The following KLK4 variants were observed in gnomAD, a reference collection of about 807,000 sequenced individuals.
KLK4 encodes kallikrein related peptidase 4.
A neutral mutation model predicts 24.3 loss-of-function variants in KLK4; 24 were observed. That is an observed-to-expected ratio of 0.99 (90% confidence interval 0.72 to 1.39). The LOEUF (loss-of-function observed/expected upper bound fraction) is 1.39, where lower values mean the gene tolerates loss of function less well. KLK4 is among the 40% of genes most tolerant of loss of function. The probability of loss-of-function intolerance (pLI) is 0.00; values close to 1 mark genes in which losing one functional copy is unlikely to be tolerated. For synonymous variants in KLK4, 142 were observed against 138.8 expected (o/e 1.02, Z -0.16); for missense variants, 344 against 327.4 (o/e 1.05, Z -0.39).
exon 6 of KLK4, chr19:50,907,066 C>T (rs1568513393): frequency 6.2e-7 from 1 of 1,614,150 alleles, no homozygotes; most frequent in South Asian, 1.1e-5. Context: ...CGTTGCAGAT[C>T]AGGGGCCCCC....
At chr19:50,909,139 C>T in intron 3 of KLK4, 113 bp downstream of exon 3, 5 of 1,589,962 alleles carry the variant, frequency 3.1e-6, no homozygotes, top group Non-Finnish European at 4.3e-6. Context: ...CTCATTCCGT[C>T]CTCCTCCCAG....
chr19:50,910,082 G>T lies in KLK4; in HGVS notation c.61+596C>A, dbSNP rs2090474311. Among the ~76,000 whole-genome samples, 2 of 151,992 alleles carry T rather than the reference G, an allele frequency of 1.3e-5. No homozygotes were observed. Among genetic ancestry groups the T allele is most frequent in the Non-Finnish European group, 2.9e-5 (2 of 67,970 alleles). The stretch of plus-strand genomic sequence containing the variant: ...GTCTAGGCTCATAGCAGTAGGATCG[G>T]GTCCTTCGGGGTGAATTAAAGCTCA... On this transcript the variant is annotated intron_variant, in intron 2 of 5. Transcript: ENST00000324041. The surrounding 1 kb of genome is among the most constrained non-coding windows in gnomAD (Gnocchi z 4.4).
rs1439928671 is a variant in KLK4 at position 50,909,740 on chromosome 19, C to T, written c.62-326G>A. On this transcript the variant is annotated intron_variant, in intron 2 of 5. Transcript: ENST00000324041. ...CATGATCGGAGCTTCAGGGGCTGGT[C>T]CAGGATATAGGCCTAGGGCTCCCAG... 5.3e-5 allele frequency among the ~76,000 whole-genome samples: 8 copies of T among 151,548 alleles called. No individual in the cohort carries two copies. In the East Asian group the frequency reaches 1.4e-3, roughly 26 times the overall value.
intron 5 of KLK4, 30 bp from the exon 6 acceptor site, chr19:50,907,116 C>A (rs1022153482): frequency 6.2e-7 from 1 of 1,612,574 alleles, no homozygotes; most frequent in African/African-American, 1.3e-5. Flanking sequence ...AGTCAGAATT[C>A]AAAACACAGA....
chr19:50,910,669 C>T lies in KLK4; in HGVS notation c.61+9G>A, dbSNP rs370715790. 82 of 1,553,876 alleles carry T rather than the reference C, an allele frequency of 5.3e-5. 1 individual carries two copies. The highest frequency in any genetic ancestry group is 7.1e-5 in the Non-Finnish European group (81 of 1,147,936). ...GCACGGACAGACACACACACGCATACTCAGATACCTGCGACACCAAGGATG... is the reference window on the plus strand; with the variant it reads ...GCACGGACAGACACACACACGCATATTCAGATACCTGCGACACCAAGGATG... On this transcript the variant is annotated intron_variant, in intron 2 of 5. Transcript: ENST00000324041. The surrounding 1 kb of genome is among the most constrained non-coding windows in gnomAD (Gnocchi z 4.4).
chr19:50,908,817 G>A (rs1321946309), exon 4 of KLK4: 2 of 1,612,264 alleles, frequency 1.2e-6, no homozygotes, highest in South Asian at 1.1e-5. Flanking sequence ...GGCCCAGCCC[G>A]ATGGTGTAGG....
chr19:50,908,424 C>T (rs370305694), exon 5 of KLK4: 3 of 1,614,160 alleles, frequency 1.9e-6, no homozygotes, highest in African/African-American at 1.3e-5. Context: ...TACAGCGGGT[C>T]ATAGAGCTTA....
chr19:50,906,472 C>T, exon 6 of KLK4: 2 of 284,170 alleles, frequency 7.0e-6, no homozygotes, highest in Non-Finnish European at 1.3e-5. Flanking sequence ...GTCTAGGTGG[C>T]ATTGGACCGC....
At position 50,910,697 on chromosome 19, in the gene KLK4, G is replaced by A; in HGVS notation, c.42C>T (p.Tyr14=). 1.3e-6 allele frequency: 2 copies of A among 1,555,824 alleles called. No homozygotes were observed. The highest frequency in any genetic ancestry group is 1.7e-6 in the Non-Finnish European group (2 of 1,148,936). ...AGATACCTGCGACACCAAGGATGAG[G>A]TACCCCAGGAACCAGCCCCAGGGAT... Residue 14 remains tyrosine, a synonymous_variant, in exon 2 of 6, where the codon TAC becomes TAT. Transcript: ENST00000324041. The surrounding 1 kb of genome is among the most constrained non-coding windows in gnomAD (Gnocchi z 4.4).
intron 2 of KLK4, among the ~76,000 whole-genome samples, chr19:50,909,618 A>T (rs1166293894): frequency 8.1e-6 from 1 of 122,990 alleles, no homozygotes. Context: ...TCAGGGCTTC[A>T]GGAGCAGTCA....
chr19:50,909,090 G>A, intron 3 of KLK4, 162 bp downstream of exon 3: 5 of 1,426,872 alleles, frequency 3.5e-6, no homozygotes, highest in Non-Finnish European at 3.6e-6. Flanking sequence ...CAAGATTCCC[G>A]CCTCCCAGCC....
At chr19:50,909,635 T>C (rs1428923871) in intron 2 of KLK4, among the ~76,000 whole-genome samples, 3 of 137,834 alleles carry the variant, frequency 2.2e-5, no homozygotes, top group African/African-American at 8.3e-5. Flanking sequence ...GTCAGGACTC[T>C]TGGGGGGCCG....
intron 5 of KLK4, chr19:50,908,097 G>T: frequency 1.8e-6 from 1 of 549,906 alleles, no homozygotes; most frequent in Non-Finnish European, 3.3e-6. Context: ...ACCGCCCTCA[G>T]GCCCCATGCT....
intron 2 of KLK4, 83 bp from the exon 3 acceptor site, chr19:50,909,497 G>T: frequency 6.8e-7 from 1 of 1,464,330 alleles, no homozygotes; most frequent in Non-Finnish European, 9.5e-7. Flanking sequence ...CAGGGGCGTG[G>T]TCAGAGGTTC....
chr19:50,908,558 GAC>G lies in KLK4; in HGVS notation c.475+19_475+20del. 3 of 1,614,152 alleles carry G rather than the reference GAC, an allele frequency of 1.9e-6. No individual in the cohort carries two copies. Among genetic ancestry groups the G allele is most frequent in the Non-Finnish European group, 1.7e-6 (2 of 1,180,034 alleles). On this transcript the variant is annotated intron_variant, in intron 4 of 5. Transcript: ENST00000324041. The stretch of plus-strand genomic sequence containing the variant: ...GCAGAGGACCTCCTTGAAGAGGGCA[GAC>G]ACACACCCGTGAGCTCACCGTTCGC...
At chr19:50,909,689 T>A (rs1177033732) in intron 2 of KLK4, among the ~76,000 whole-genome samples, 1 of 146,272 alleles carries the variant, frequency 6.8e-6, no homozygotes, top group African/African-American at 2.6e-5. Context: ...CCAGGGCTCC[T>A]GGGGGTGGGG....
Position 50,910,723 on chromosome 19 carries a change from T to C in KLK4, c.16A>G (p.Asn6Asp). The C allele has an allele frequency of 6.4e-7, 1 of 1,554,344 alleles. No individual in the cohort carries two copies. Among genetic ancestry groups the C allele is most frequent in the South Asian group, 1.2e-5 (1 of 84,226 alleles). Residue 6 changes from asparagine (N) to aspartate (D), a missense_variant, in exon 2 of 6, where the codon AAT becomes GAT. Physicochemically the swap from Asn to Asp is conservative, Grantham distance 23 (BLOSUM62 1). Coordinates refer to ENST00000324041, the Ensembl canonical transcript of KLK4. The surrounding 1 kb of genome is among the most constrained non-coding windows in gnomAD (Gnocchi z 4.4). ...TACCCCAGGAACCAGCCCCAGGGATTTCCTGCTGTGGCCATCACGTCAGCA... is the reference window on the plus strand; with the variant it reads ...TACCCCAGGAACCAGCCCCAGGGATCTCCTGCTGTGGCCATCACGTCAGCA...
exon 6 of KLK4, chr19:50,906,732 C>T: frequency 2.6e-6 from 1 of 377,770 alleles, no homozygotes; most frequent in Non-Finnish European, 4.6e-6. Context: ...ACTCCTGGGT[C>T]TGAGGGAGGA....
rs546573921 is a variant in KLK4 at position 50,910,898 on chromosome 19, C to A, written c.-11-149G>T. On this transcript the variant is annotated intron_variant, in intron 1 of 5. Transcript: ENST00000324041. The surrounding 1 kb of genome is among the most constrained non-coding windows in gnomAD (Gnocchi z 4.4). Reference sequence around the variant, plus strand: ...TCTACCCCCTCTCCCATCCATGGACCCAGAACCTAGAGAGACAGATTTAGA... The same window carrying A: ...TCTACCCCCTCTCCCATCCATGGACACAGAACCTAGAGAGACAGATTTAGA... Among the ~76,000 whole-genome samples, 16 of 151,810 alleles carry A rather than the reference C, an allele frequency of 1.1e-4. No individual in the cohort carries two copies. The highest frequency in any genetic ancestry group is 3.9e-4 in the African/African-American group (16 of 41,340).
Sources: gnomAD v4.1 joint callset for allele counts (sites outside exome capture counted in the v4.1 genomes callset) on GRCh38, gnomAD v4.1.1 for gene constraint, Gnocchi (gnomAD v3.1) non-coding constraint, MANE v1.5 for transcripts, NCBI Gene and HGNC (gene_info 2026-07-23, HGNC 2026-07-21) for gene names.